PPEF2: variants seen among roughly 807,000 people sequenced by gnomAD.
PPEF2 encodes protein phosphatase with EF-hand domain 2, also known as serine/threonine-protein phosphatase with EF-hands 2.
Under a neutral mutation model 84.7 loss-of-function variants are expected in PPEF2, and 84 were observed. The observed-to-expected ratio is 0.99, with a 90% confidence interval of 0.83 to 1.19. The LOEUF (loss-of-function observed/expected upper bound fraction) is 1.19. Ranked by LOEUF, PPEF2 falls within the 50% of genes most tolerant of loss-of-function variation. The probability of loss-of-function intolerance (pLI) is 0.00; values close to 1 mark genes in which losing one functional copy is unlikely to be tolerated. For synonymous variants in PPEF2, 346 were observed against 345.2 expected (o/e 1.00, Z -0.03); for missense variants, 924 against 937.5 (o/e 0.99, Z 0.19).
intron 7 of PPEF2, among the ~76,000 whole-genome samples, chr4:75,886,635 G>A (rs1724733314): frequency 6.6e-6 from 1 of 151,996 alleles, no homozygotes; most frequent in African/African-American, 2.4e-5. Context: ...TGGGAGGATT[G>A]CTTGAACCTG....
Position 75,886,916 on chromosome 4 carries a change from A to C in PPEF2, c.533-18T>G, listed in dbSNP as rs780609703. On this transcript the variant is annotated intron_variant, in intron 6 of 16. Transcript: ENST00000286719. ...TAAGTCTCCTAACAAAGATAGAAAA[A>C]GAATATCAATTCTGATTGTTCCTTA... The C allele has an allele frequency of 2.9e-6, 4 of 1,373,432 alleles. No homozygotes were observed. The South Asian group carries it at 5.2e-5, about 18-fold the overall frequency. The allele number at this position is 1,373,432 out of a possible 1,614,324, so 85.1% of individuals were successfully genotyped here. A position where few individuals can be genotyped will look rare whatever the true frequency, so the allele number is the denominator to read the frequency against.
rs1240704202 is a variant in PPEF2, at chr4:75,860,816, C to A, written c.2113G>T (p.Asp705Tyr). 1 of 1,614,222 alleles carries A rather than the reference C, an allele frequency of 6.2e-7. No individual in the cohort carries two copies. Among genetic ancestry groups the A allele is most frequent in the Non-Finnish European group, 8.5e-7 (1 of 1,180,042 alleles). The change falls in exon 17 of 17, where the codon GAT (aspartate) becomes TAT (tyrosine). Residue 705 changes from aspartate to tyrosine, a missense_variant. Transcript: ENST00000286719. Reference protein sequence around the residue: ...DCICDLARSIDFNKDGHIDIN... With the variant: ...DCICDLARSIYFNKDGHIDIN... ...TCAATGTGGCCATCTTTGTTGAAAT[C>A]AATGCTCCGAGCAAGGTCACAGATG...
chr4:75,867,215 T>A, intron 14 of PPEF2, 98 bp downstream of exon 14: 1 of 829,112 alleles, frequency 1.2e-6, no homozygotes, highest in Non-Finnish European at 1.9e-6. Flanking sequence ...TTTGGGTCAC[T>A]CATTAAAGCA....
At chr4:75,875,105 C>G (rs563104996) in intron 11 of PPEF2, among the ~76,000 whole-genome samples, 1 of 151,816 alleles carries the variant, frequency 6.6e-6, no homozygotes, top group Admixed American at 6.6e-5. Flanking sequence ...GGGGTTTCAC[C>G]GTGTTAGCCA....
intron 10 of PPEF2, among the ~76,000 whole-genome samples, chr4:75,877,189 T>G (rs1159489836): frequency 9.0e-5 from 13 of 144,620 alleles, no homozygotes; most frequent in African/African-American, 1.5e-4. Context: ...AATACAAAAT[T>G]AGCTGGACGT....
chr4:75,900,661 G>A (rs973526986), intron 1 of PPEF2, among the ~76,000 whole-genome samples: 1 of 152,116 alleles, frequency 6.6e-6, no homozygotes, highest in Admixed American at 6.6e-5. Context: ...CTTTGCAAAT[G>A]TTTGTCATCG....
At chr4:75,871,699 G>A (rs962948407) in intron 13 of PPEF2, among the ~76,000 whole-genome samples, 2 of 152,094 alleles carry the variant, frequency 1.3e-5, no homozygotes, top group African/African-American at 4.8e-5. Context: ...TGGAATTCCT[G>A]GGCTCAAACT....
intron 6 of PPEF2, among the ~76,000 whole-genome samples, chr4:75,887,614 G>A (rs1276406710): frequency 1.1e-5 from 1 of 89,844 alleles, no homozygotes; most frequent in Non-Finnish European, 2.3e-5. Flanking sequence ...GAGCGGGACT[G>A]TGTCTCAAAA....
At chr4:75,874,317 A>G (rs1724357262) in intron 11 of PPEF2, among the ~76,000 whole-genome samples, 1 of 149,366 alleles carries the variant, frequency 6.7e-6, no homozygotes, top group African/African-American at 2.5e-5. Flanking sequence ...TTTTTTTGAG[A>G]CAGAGTCTCA....
chr4:75,890,117 C>G lies in PPEF2; in HGVS notation c.257G>C (p.Arg86Pro). 6.2e-7 allele frequency: 1 copy of G among 1,613,806 alleles called. No individual in the cohort carries two copies. Among genetic ancestry groups the G allele is most frequent in the African/African-American group, 1.3e-5 (1 of 74,980 alleles). Residue 86 changes from arginine (R) to proline (P), a missense_variant, in exon 5 of 17, where the codon CGC becomes CCC. Transcript: ENST00000286719. ...SSHNDRDFLT[R>P]IFTEDRFAQD... ...GGCGAATCTGTCCTCAGTGAATATG[C>G]GGGTCAGGAAGTCCCCTAGTCCAGA...
rs2149227949 is a variant in PPEF2 at position 75,891,718 on chromosome 4, C to G, written c.184-13G>C. The G allele has an allele frequency of 1.9e-6, 3 of 1,609,052 alleles. No individual in the cohort carries two copies. The highest frequency in any genetic ancestry group is 2.5e-6 in the Non-Finnish European group (3 of 1,177,886). On this transcript the variant is annotated splice_polypyrimidine_tract_variant and intron_variant, in intron 3 of 16. Coordinates refer to ENST00000286719, the MANE Select transcript of PPEF2 (RefSeq NM_006239.3). ...AGAAGTCATGGAGCTGCAGAAGAAC[C>G]CAAGGAGACGTGGCTTTAGAGGTGA...
rs568930019 is a variant in PPEF2, at chr4:75,892,899, G to T, written c.56-921C>A. ...AATGGACTATTTGTGGATAAAGCTG[G>T]ATTAGAAATCCTGCAGGCTGGATTA... On this transcript the variant is annotated intron_variant, in intron 2 of 16. Coordinates refer to ENST00000286719, the MANE Select transcript of PPEF2 (RefSeq NM_006239.3). Among the ~76,000 whole-genome samples, 6 of 151,838 alleles carry T rather than the reference G, an allele frequency of 4.0e-5. No individual in the cohort carries two copies. In the South Asian group the frequency reaches 6.2e-4, roughly 16 times the overall value.
intron 13 of PPEF2, among the ~76,000 whole-genome samples, chr4:75,867,909 A>G (rs1327752047): frequency 6.6e-6 from 1 of 152,224 alleles, no homozygotes; most frequent in African/African-American, 2.4e-5. Context: ...ATAACAAAAT[A>G]ACACTAGTTT....
At chr4:75,871,958 C>T (rs752960549) in intron 13 of PPEF2, 67 bp downstream of exon 13, 27 of 1,458,018 alleles carry the variant, frequency 1.9e-5, no homozygotes, top group Non-Finnish European at 2.5e-5. Context: ...ACGTTTGACA[C>T]TTCATTCAAA....
intron 2 of PPEF2, among the ~76,000 whole-genome samples, 198 bp downstream of exon 2, chr4:75,896,073 G>A (rs527893780): frequency 4.6e-5 from 7 of 152,270 alleles, no homozygotes; most frequent in South Asian, 2.1e-4. Context: ...CTTCCTGAGC[G>A]AATGTTAATT....
intron 8 of PPEF2, 77 bp downstream of exon 8, chr4:75,884,513 CAAAT>C: frequency 7.1e-7 from 1 of 1,402,212 alleles, no homozygotes; most frequent in African/African-American, 1.4e-5. Context: ...AGGCATTTAA[CAAAT>C]AAGAAGTTCT....
chr4:75,896,452 G>C (rs1307331652), intron 1 of PPEF2, 69 bp from the exon 2 acceptor site: 2 of 961,154 alleles, frequency 2.1e-6, no homozygotes, highest in East Asian at 5.0e-5. Context: ...GGGCCAAATT[G>C]TCTATGAATC....
rs966808583 is a variant in PPEF2, at chr4:75,860,866, A to C, written c.2063T>G (p.Met688Arg). 2 of 1,614,118 alleles carry C rather than the reference A, an allele frequency of 1.2e-6. No homozygotes were observed. Among genetic ancestry groups the C allele is most frequent in the Admixed American group, 1.7e-5 (1 of 60,006 alleles). Residue 688 changes from methionine to arginine, a missense_variant, in exon 17 of 17, where the codon ATG (methionine) becomes AGG (arginine). Met to Arg is a moderately conservative substitution (Grantham distance 91, BLOSUM62 -1). Transcript: ENST00000286719. ...GCAGTCATCTGTAATGTCGATATTC[A>C]TGTGAGAGCTGAACAGCTTCCAGGT... ...RQTWKLFSSH[M>R]NIDITDDCIC...
intron 15 of PPEF2, 24 bp downstream of exon 15, chr4:75,866,165 C>A: frequency 6.3e-7 from 1 of 1,592,060 alleles, no homozygotes; most frequent in South Asian, 1.2e-5. Context: ...CATGTGCTCT[C>A]ATCCACCATT....
Sources: gnomAD v4.1 joint callset for allele counts (sites outside exome capture counted in the v4.1 genomes callset) on GRCh38, gnomAD v4.1.1 for gene constraint, MANE v1.5 for transcripts, NCBI Gene and HGNC (gene_info 2026-07-23, HGNC 2026-07-21) for gene names.